The following VPS13B variants were observed in gnomAD, a reference collection of about 807,000 sequenced individuals.
VPS13B encodes intermembrane lipid transfer protein VPS13B.
A neutral mutation model predicts 426.4 loss-of-function variants in VPS13B; 285 were observed. That is an observed-to-expected ratio of 0.67 (90% CI 0.61 to 0.74). The LOEUF (loss-of-function observed/expected upper bound fraction) is 0.74. Among genes scored for constraint, VPS13B ranks in the 30% least tolerant of loss-of-function variants. VPS13B has a pLI of 0.00. For synonymous variants in VPS13B, 1,676 were observed against 1,676.4 expected (o/e 1.00, Z 0.01); for missense variants, 4,537 against 4,782.6 (o/e 0.95, Z 1.51).
Position 99,478,267 on chromosome 8 carries a change from C to G in VPS13B, c.3667-3332C>G, listed in dbSNP as rs572833962. On this transcript the variant is annotated intron_variant, in intron 24 of 61. Transcript: ENST00000357162. ...GGAACTGAGAAAGAACAGATTTATG[C>G]CAGTTTTCTATTCATTTATTTATCG... is the stretch of plus-strand genomic sequence containing the variant. Among the ~76,000 whole-genome samples, 3 of 151,660 alleles carry G rather than the reference C, an allele frequency of 2.0e-5. No homozygotes were observed. In the East Asian group the frequency reaches 5.8e-4, roughly 29 times the overall value.
In VPS13B at chr8:99,458,537, A is replaced by C. The variant is rs866676432; in HGVS notation, c.3446-8877A>C. On this transcript the variant is annotated intron_variant, in intron 23 of 61. Transcript: ENST00000357162. ...TGAACTAGTTTACAGTCCCACCAAC[A>C]GTGTAAAAGTGTTCCTATTTCTCCA... Among the ~76,000 whole-genome samples the C allele has an allele frequency of 6.6e-5, 10 of 152,074 alleles. 1 individual carries two copies. The Middle Eastern group carries it at 0.01, about 155-fold the overall frequency.
chr8:99,534,812 G>T (rs1480853800), intron 30 of VPS13B, among the ~76,000 whole-genome samples: 1 of 152,082 alleles, frequency 6.6e-6, no homozygotes. Flanking sequence ...TAATAACAAA[G>T]ATCAAATATT....
chr8:99,525,975 C>T (rs551364760), intron 30 of VPS13B, among the ~76,000 whole-genome samples: 1 of 151,936 alleles, frequency 6.6e-6, no homozygotes, highest in Non-Finnish European at 1.5e-5. Context: ...CCATATAGGT[C>T]GTTGTGTGGA....
intron 16 of VPS13B, among the ~76,000 whole-genome samples, chr8:99,183,620 T>A (rs751316501): frequency 6.6e-6 from 1 of 151,898 alleles, no homozygotes; most frequent in Non-Finnish European, 1.5e-5. Flanking sequence ...AAATTGGGTA[T>A]TTTTTCTTTT....
chr8:99,614,121 A>G (rs1387522629), intron 33 of VPS13B: 1 of 152,186 alleles, frequency 6.6e-6, no homozygotes, highest in Non-Finnish European at 1.5e-5. Context: ...TAAATAAACA[A>G]TAAGAAATTA....
At chr8:99,627,904 A>G (rs1192467124) in intron 33 of VPS13B, among the ~76,000 whole-genome samples, 1 of 152,194 alleles carries the variant, frequency 6.6e-6, no homozygotes. Flanking sequence ...CAGATTGTGC[A>G]TCCCCTCTCT....
At chr8:99,821,157 CA>C (rs1814340958) in intron 49 of VPS13B, 136 bp from the exon 50 acceptor site, 23 of 654,990 alleles carry the variant, frequency 3.5e-5, no homozygotes, top group Non-Finnish European at 4.9e-5. Flanking sequence ...CACACACACA[CA>C]CACACACACC....
chr8:99,446,781 A>G (rs913757246), intron 23 of VPS13B, among the ~76,000 whole-genome samples: 3 of 152,214 alleles, frequency 2.0e-5, no homozygotes, highest in Admixed American at 6.5e-5. Context: ...AGATAAATCC[A>G]TACATGTTAC....
At chr8:99,480,681 A>C (rs1245941644) in intron 24 of VPS13B, among the ~76,000 whole-genome samples, 2 of 152,196 alleles carry the variant, frequency 1.3e-5, no homozygotes, top group Non-Finnish European at 2.9e-5. Flanking sequence ...AAACAGGAGA[A>C]AATTGTACAC....
At position 99,848,834 on chromosome 8, in the gene VPS13B, C is replaced by G. The variant is rs1449649347; in HGVS notation, c.10001C>G (p.Thr3334Arg). 6 of 1,614,132 alleles carry G rather than the reference C, an allele frequency of 3.7e-6. No homozygotes were observed. The highest frequency in any genetic ancestry group is 5.1e-6 in the Non-Finnish European group (6 of 1,180,008). The change falls in exon 55 of 62, where the codon ACA (threonine) becomes AGA (arginine). Residue 3334 changes from threonine to arginine, a missense_variant. This residue lies in a region of VPS13B where 4,311 missense variants were observed against 4,474.3 expected (regional missense o/e 0.96). Transcript: ENST00000357162. ...GTGGATGTTGTACATCAGTGTGGCA[C>G]AGTCTTCATCACTGTGGCCCCAGAA... ...VYVDVVHQCG[T>R]VFITVAPEGK...
intron 30 of VPS13B, among the ~76,000 whole-genome samples, chr8:99,522,950 C>T (rs1332904513): frequency 6.6e-6 from 1 of 152,038 alleles, no homozygotes. Context: ...AATGTATACA[C>T]AAAGCAAAAG....
chr8:99,661,665 A>G (rs1563850080), intron 35 of VPS13B, among the ~76,000 whole-genome samples, 174 bp downstream of exon 35: 1 of 152,172 alleles, frequency 6.6e-6, no homozygotes, highest in African/African-American at 2.4e-5. Flanking sequence ...GCAAATATAA[A>G]TATGCATTAA....
At chr8:99,315,348 T>C (rs1809578633) in intron 19 of VPS13B, among the ~76,000 whole-genome samples, 1 of 151,990 alleles carries the variant, frequency 6.6e-6, no homozygotes, top group Admixed American at 6.6e-5. Flanking sequence ...TTTTTTTTTT[T>C]TTAACTAACT....
chr8:99,748,641 A>T (rs1018109482), intron 39 of VPS13B, among the ~76,000 whole-genome samples: 1 of 152,052 alleles, frequency 6.6e-6, no homozygotes. Context: ...AAAGACATTC[A>T]TGTTTCCTTG....
intron 21 of VPS13B, among the ~76,000 whole-genome samples, chr8:99,425,762 G>T (rs528751070): frequency 1.6e-4 from 25 of 152,234 alleles, no homozygotes; most frequent in African/African-American, 5.8e-4. Flanking sequence ...AAGTCAAATT[G>T]TCCCTGTTTG....
In VPS13B at chr8:99,699,552, C is replaced by T; in HGVS notation, c.6074C>T (p.Pro2025Leu). 1 of 1,613,846 alleles carries T rather than the reference C, an allele frequency of 6.2e-7. No homozygotes were observed. The change falls in exon 36 of 62, where the codon CCT becomes CTT. Residue 2025 changes from proline (P) to leucine (L), a missense_variant. By Grantham distance (98) the Pro-to-Leu change is moderately conservative. Coordinates refer to ENST00000357162, the MANE Select transcript of VPS13B (RefSeq NM_152564.5). ...GATGTCAATTTGGATATATCAAAGC[C>T]TTTGAAAGCAAACCTGAGTTTCACC... ...PADVNLDISK[P>L]LKANLSFTKL...
chr8:99,624,341 T>TA (rs1828508331), intron 33 of VPS13B, among the ~76,000 whole-genome samples: 1 of 152,176 alleles, frequency 6.6e-6, no homozygotes. Flanking sequence ...GTTTAGTTTG[T>TA]AAAAATATTT....
At chr8:99,800,841 A>G (rs529071819) in intron 43 of VPS13B, among the ~76,000 whole-genome samples, 5 of 152,286 alleles carry the variant, frequency 3.3e-5, no homozygotes, top group Non-Finnish European at 7.4e-5. Flanking sequence ...AAATAATAAA[A>G]AGATTCTATG....
intron 3 of VPS13B, among the ~76,000 whole-genome samples, chr8:99,074,201 A>T (rs1448719028): frequency 6.6e-6 from 1 of 152,104 alleles, no homozygotes; most frequent in Admixed American, 6.5e-5. Context: ...TTTGTCATAT[A>T]TGGCCTTTAT....
Sources: allele counts gnomAD v4.1 joint callset (sites outside exome capture counted in the v4.1 genomes callset), GRCh38; gene constraint gnomAD v4.1.1; regional missense constraint gnomAD v4.1.1; transcripts MANE v1.5; gene names NCBI Gene and HGNC (gene_info 2026-07-23, HGNC 2026-07-21).